Variants in STK40 observed in about 807,000 individuals in gnomAD.
The protein encoded by STK40 is serine/threonine kinase 40.
In STK40, 13 loss-of-function variants were observed where a neutral mutation model predicts 47.9. The ratio of observed to expected loss-of-function variants is 0.27; its 90% confidence interval spans 0.18 to 0.43. STK40 has a LOEUF of 0.43. Among genes scored for constraint, STK40 ranks in the 20% least tolerant of loss-of-function variants. STK40 has a pLI of 1.00. For synonymous variants in STK40, 225 were observed against 243.2 expected, an observed-to-expected ratio of 0.93 and a Z score of 0.69; for missense variants, 460 against 595.1, an observed-to-expected ratio of 0.77 and a Z score of 2.36.
At chr1:36,379,165 T>C (rs1647017895) in intron 1 of STK40, among the ~76,000 whole-genome samples, 1 of 152,198 alleles carries the variant, frequency 6.6e-6, no homozygotes, top group African/African-American at 2.4e-5. Context: ...AGGCTGAAGA[T>C]CTTCTATCTC....
intron 6 of STK40, among the ~76,000 whole-genome samples, chr1:36,353,935 AT>A (rs1369693188): frequency 6.6e-6 from 1 of 152,118 alleles, no homozygotes; most frequent in African/African-American, 2.4e-5. Context: ...CAAAAAATAT[AT>A]ATATTTTTGT....
chr1:36,361,001 G>A (rs973671185), intron 2 of STK40, among the ~76,000 whole-genome samples: 2 of 152,172 alleles, frequency 1.3e-5, no homozygotes, highest in Non-Finnish European at 2.9e-5. Context: ...AACACTGACA[G>A]CCCCTGGTAC....
chr1:36,345,716 TG>T (rs1234846345), intron 7 of STK40, among the ~76,000 whole-genome samples: 1 of 152,028 alleles, frequency 6.6e-6, no homozygotes, highest in Non-Finnish European at 1.5e-5. Flanking sequence ...CTCCCGTGGC[TG>T]GAAGATGCTT....
intron 9 of STK40, 61 bp downstream of exon 9, chr1:36,343,796 GGGT>G: frequency 6.6e-7 from 1 of 1,517,002 alleles, no homozygotes; most frequent in Non-Finnish European, 8.8e-7. Flanking sequence ...CTGCTTTTCT[GGGT>G]AGGATGGGCA....
intron 5 of STK40, 110 bp downstream of exon 5, chr1:36,355,096 C>T (rs1246641642): frequency 1.7e-6 from 2 of 1,143,876 alleles, no homozygotes; most frequent in African/African-American, 3.0e-5. Context: ...TGGACACTCC[C>T]AGCTGCAAAG....
intron 1 of STK40, among the ~76,000 whole-genome samples, chr1:36,370,934 T>C (rs1175617254): frequency 6.6e-6 from 1 of 151,486 alleles, no homozygotes; most frequent in Non-Finnish European, 1.5e-5. Flanking sequence ...TGGAGTGCAG[T>C]GGCAAGATGT....
At chr1:36,384,307 G>A (rs1647066731) in intron 1 of STK40, among the ~76,000 whole-genome samples, 1 of 152,222 alleles carries the variant, frequency 6.6e-6, no homozygotes, top group Non-Finnish European at 1.5e-5. Flanking sequence ...TGGGATTACA[G>A]GCATGAGCCA....
Position 36,355,255 on chromosome 1 carries a change from G to C in STK40, c.521C>G (p.Thr174Ser). 6.2e-7 allele frequency: 1 copy of C among 1,614,136 alleles called. No individual in the cohort carries two copies. The highest frequency in any genetic ancestry group is 8.5e-7 in the Non-Finnish European group (1 of 1,180,036). The change falls in exon 5 of 11, where the codon ACT (threonine) becomes AGT (serine). Residue 174 changes from threonine (T) to serine (S), a missense_variant. Coordinates refer to ENST00000373132, the MANE Select transcript of STK40 (RefSeq NM_001282547.2). ...IKEKRLSERE[T>S]VVIFYDVVRV... is the part of the protein sequence containing the mutation. ...GACCACGTCGTAGAAGATTACCACAGTCTCCCTCTCGCTGAGCCTCTTCTC... is the reference window on the plus strand; with the variant it reads ...GACCACGTCGTAGAAGATTACCACACTCTCCCTCTCGCTGAGCCTCTTCTC...
intron 4 of STK40, among the ~76,000 whole-genome samples, chr1:36,355,982 C>T (rs1226319095): frequency 6.6e-6 from 1 of 152,154 alleles, no homozygotes; most frequent in Non-Finnish European, 1.5e-5. Flanking sequence ...GTACTCCCGA[C>T]AGTCACATGA....
chr1:36,374,197 C>T (rs1441714350), intron 1 of STK40, among the ~76,000 whole-genome samples: 3 of 152,248 alleles, frequency 2.0e-5, no homozygotes, highest in Admixed American at 6.5e-5. Flanking sequence ...AAGGAGACTG[C>T]GTAATCAGTG....
chr1:36,354,314 C>G (rs374444092), intron 6 of STK40, 50 bp downstream of exon 6: 18 of 1,604,348 alleles, frequency 1.1e-5, no homozygotes, highest in Non-Finnish European at 1.5e-5. Flanking sequence ...CAATGTGTAG[C>G]CTGCCCCAGC....
chr1:36,343,520 C>CA, intron 9 of STK40, 72 bp from the exon 10 acceptor site: 1 of 1,415,096 alleles, frequency 7.1e-7, no homozygotes, highest in Non-Finnish European at 9.7e-7. Flanking sequence ...TAACTGGAGT[C>CA]AGACACACCT....
chr1:36,343,494 C>T (rs1365339083), intron 9 of STK40, 46 bp from the exon 10 acceptor site: 2 of 1,557,118 alleles, frequency 1.3e-6, no homozygotes, highest in African/African-American at 2.7e-5. Flanking sequence ...GAGACCAGGT[C>T]CATTGATCCC....
At chr1:36,361,110 T>G (rs1316359049) in intron 2 of STK40, 111 bp downstream of exon 2, 1 of 1,260,330 alleles carries the variant, frequency 7.9e-7, no homozygotes, top group Non-Finnish European at 1.1e-6. Context: ...GACCACACAC[T>G]GCTGTGGGTG....
At position 36,364,314 on chromosome 1, in the gene STK40, CA is replaced by C. The variant is rs370489464; in HGVS notation, c.-8-2975del. Among the ~76,000 whole-genome samples, 447 of 152,332 alleles carry C rather than the reference CA, an allele frequency of 2.9e-3. 2 individuals carry two copies. Among genetic ancestry groups the C allele is most frequent in the African/African-American group, 0.01 (423 of 41,566 alleles). On this transcript the variant is annotated intron_variant, in intron 1 of 10. Transcript: ENST00000373132. The stretch of plus-strand genomic sequence containing the variant: ...GGGGACATGTTTTTAAGGTATTTGA[CA>C]GATGCTGCCAGGCTGCTTCCAGGAT...
At chr1:36,361,977 G>A (rs1250483475) in intron 1 of STK40, among the ~76,000 whole-genome samples, 2 of 152,112 alleles carry the variant, frequency 1.3e-5, no homozygotes, top group Non-Finnish European at 1.5e-5. Context: ...GTTGTCAATG[G>A]CAGGGTTTAC....
intron 1 of STK40, among the ~76,000 whole-genome samples, chr1:36,372,113 CG>C (rs922932900): frequency 2.6e-5 from 4 of 152,114 alleles, no homozygotes; most frequent in Admixed American, 2.6e-4. Flanking sequence ...GTAGAACCCA[CG>C]GATGTGGAGG....
rs1647021972 is a variant in STK40, at chr1:36,379,533, A to G, written c.-9+6190T>C. Among the ~76,000 whole-genome samples the G allele has an allele frequency of 3.3e-5, 5 of 151,644 alleles. No individual in the cohort carries two copies. The South Asian group carries it at 1.0e-3, about 32-fold the overall frequency. ...GTAGCTGGGACTACAGGTGCCCACC[A>G]CCACGTCCGGCTAATTTTTTGTATT... is the stretch of plus-strand genomic sequence containing the variant. On this transcript the variant is annotated intron_variant, in intron 1 of 10. Transcript: ENST00000373132.
intron 1 of STK40, among the ~76,000 whole-genome samples, chr1:36,369,692 C>T (rs1200621928): frequency 6.6e-6 from 1 of 152,198 alleles, no homozygotes. Flanking sequence ...AGTACACCTC[C>T]GTCCCCTCCC....
Sources: allele counts gnomAD v4.1 joint callset (sites outside exome capture counted in the v4.1 genomes callset), GRCh38; gene constraint gnomAD v4.1.1; transcripts MANE v1.5; gene names NCBI Gene and HGNC (gene_info 2026-07-23, HGNC 2026-07-21).